RSRC1: variants seen among roughly 807,000 people sequenced by gnomAD.
The protein encoded by RSRC1 is arginine and serine rich coiled-coil 1, also known as serine/Arginine-related protein 53.
A neutral mutation model predicts 49.1 loss-of-function variants in RSRC1; 39 were observed. The observed-to-expected ratio is 0.79, with a 90% CI of 0.61 to 1.04. The LOEUF (loss-of-function observed/expected upper bound fraction) is 1.04, where lower values mean the gene tolerates loss of function less well. Among genes scored for constraint, RSRC1 ranks in the 50% least tolerant of loss-of-function variants. RSRC1 has a pLI of 0.00. For synonymous variants in RSRC1, 143 were observed against 130.8 expected (o/e 1.09, Z -0.63); for missense variants, 388 against 402.4 (o/e 0.96, Z 0.31).
At chr3:158,326,345 A>G (rs145496061) in intron 5 of RSRC1, among the ~76,000 whole-genome samples, 1 of 152,218 alleles carries the variant, frequency 6.6e-6, no homozygotes, top group African/African-American at 2.4e-5. Context: ...TTGCCCATTC[A>G]GTATGATATT....
Position 158,205,303 on chromosome 3 carries a change from T to C in RSRC1, c.494+2058T>C, listed in dbSNP as rs186301834. Among the ~76,000 whole-genome samples the C allele has an allele frequency of 2.5e-3, 383 of 152,236 alleles. 3 individuals carry two copies. Among genetic ancestry groups the C allele is most frequent in the African/African-American group, 8.8e-3 (364 of 41,548 alleles). ...ATTCTTATATTTCCTAAGCCTGATT[T>C]TCAAGCCATTCTGGACTTAGAATCT... On this transcript the variant is annotated intron_variant, in intron 4 of 9. Coordinates refer to ENST00000611884, the MANE Select transcript of RSRC1 (RefSeq NM_001271838.2).
At chr3:158,513,103 T>G in intron 7 of RSRC1, among the ~76,000 whole-genome samples, 1 of 145,482 alleles carries the variant, frequency 6.9e-6, no homozygotes, top group Non-Finnish European at 1.5e-5. Context: ...TGAATACCCT[T>G]TATTTCCTTC....
At chr3:158,328,280 G>A (rs1184269040) in intron 5 of RSRC1, among the ~76,000 whole-genome samples, 5 of 152,168 alleles carry the variant, frequency 3.3e-5, no homozygotes, top group African/African-American at 9.7e-5. Flanking sequence ...TCATTATGAT[G>A]TTAGCTGCTT....
At chr3:158,184,681 T>C (rs957232607) in intron 3 of RSRC1, among the ~76,000 whole-genome samples, 4 of 152,142 alleles carry the variant, frequency 2.6e-5, no homozygotes, top group Admixed American at 1.3e-4. Context: ...TCCATTTAAG[T>C]TATGTTTTAC....
chr3:158,513,924 C>A, intron 7 of RSRC1, among the ~76,000 whole-genome samples: 1 of 152,150 alleles, frequency 6.6e-6, no homozygotes, highest in Non-Finnish European at 1.5e-5. Flanking sequence ...TGGCAGTATT[C>A]TCTGATGGTA....
chr3:158,333,700 A>T (rs1729693193), intron 5 of RSRC1, among the ~76,000 whole-genome samples: 1 of 152,254 alleles, frequency 6.6e-6, no homozygotes, highest in Admixed American at 6.5e-5. Context: ...AACTGCATTC[A>T]AAGATAGAAA....
At chr3:158,142,513 C>G (rs1488194510) in intron 3 of RSRC1, among the ~76,000 whole-genome samples, 1 of 152,082 alleles carries the variant, frequency 6.6e-6, no homozygotes, top group African/African-American at 2.4e-5. Context: ...TTAGTTGGCT[C>G]ACAGTTCTGC....
intron 5 of RSRC1, among the ~76,000 whole-genome samples, chr3:158,325,863 A>G (rs1729100564): frequency 1.3e-5 from 2 of 152,202 alleles, no homozygotes; most frequent in African/African-American, 2.4e-5. Flanking sequence ...ATCCATGAGC[A>G]TGGAATGTTC....
intron 4 of RSRC1, among the ~76,000 whole-genome samples, chr3:158,277,875 C>G (rs747018840): frequency 6.6e-6 from 1 of 152,132 alleles, no homozygotes; most frequent in Admixed American, 6.6e-5. Flanking sequence ...GCCTTTGGAA[C>G]TCTTGGACTG....
chr3:158,409,695 CAA>C (rs991738008), intron 6 of RSRC1, among the ~76,000 whole-genome samples: 12 of 151,024 alleles, frequency 7.9e-5, no homozygotes, highest in African/African-American at 2.4e-4. Context: ...CTATTATCAC[CAA>C]AGAGAGTTTT....
chr3:158,460,702 C>G (rs1737564173), intron 6 of RSRC1, among the ~76,000 whole-genome samples: 1 of 151,662 alleles, frequency 6.6e-6, no homozygotes, highest in Admixed American at 6.6e-5. Flanking sequence ...TTCATTTTCC[C>G]TTTAGTACAG....
chr3:158,351,046 A>G (rs985283633), intron 5 of RSRC1, among the ~76,000 whole-genome samples: 2 of 152,164 alleles, frequency 1.3e-5, no homozygotes, highest in Non-Finnish European at 2.9e-5. Flanking sequence ...AGCAGTCACA[A>G]TGAAGGCAAC....
At chr3:158,412,247 G>A (rs1422447695) in intron 6 of RSRC1, among the ~76,000 whole-genome samples, 4 of 152,064 alleles carry the variant, frequency 2.6e-5, no homozygotes, top group African/African-American at 9.7e-5. Flanking sequence ...AAAACTAGAG[G>A]AAGAAGGATA....
At chr3:158,350,043 T>G (rs1385267307) in intron 5 of RSRC1, among the ~76,000 whole-genome samples, 1 of 151,720 alleles carries the variant, frequency 6.6e-6, no homozygotes, top group Non-Finnish European at 1.5e-5. Flanking sequence ...ACCATTTATG[T>G]TTTAAGGGAG....
Position 158,448,664 on chromosome 3 carries a change from A to G in RSRC1, c.584-12271A>G, listed in dbSNP as rs73877210. ...ATACTGCATACAGCTGAATTAGACC[A>G]GCACATCTGTTGGACATACTTAGTG... On this transcript the variant is annotated intron_variant, in intron 6 of 9. Transcript: ENST00000611884. Among the ~76,000 whole-genome samples the G allele has an allele frequency of 7.6e-3, 1,155 of 152,080 alleles. 16 individuals are homozygous for G. Among genetic ancestry groups the G allele is most frequent in the African/African-American group, 0.027 (1,118 of 41,566 alleles).
chr3:158,275,830 G>A (rs1198415091), intron 4 of RSRC1: 3 of 520,590 alleles, frequency 5.8e-6, no homozygotes, highest in Non-Finnish European at 1.0e-5. Context: ...AGTGGAGCTG[G>A]AGAGTATTGC....
chr3:158,173,168 T>C (rs1224536214), intron 3 of RSRC1, among the ~76,000 whole-genome samples: 1 of 151,932 alleles, frequency 6.6e-6, no homozygotes, highest in Admixed American at 6.6e-5. Context: ...TAACCTTGTT[T>C]ATAATTATAT....
chr3:158,544,150 G>A, intron 9 of RSRC1, 33 bp from the exon 10 acceptor site: 1 of 1,457,394 alleles, frequency 6.9e-7, no homozygotes, highest in Non-Finnish European at 9.6e-7. Context: ...TTGGGAGACA[G>A]TAACATTTTT....
At chr3:158,245,307 C>A (rs1377411513) in intron 4 of RSRC1, among the ~76,000 whole-genome samples, 2 of 151,960 alleles carry the variant, frequency 1.3e-5, no homozygotes, top group Non-Finnish European at 2.9e-5. Context: ...AGCAGGTTGT[C>A]CAGCTTCCAT....
Sources: allele counts gnomAD v4.1 joint callset (sites outside exome capture counted in the v4.1 genomes callset), GRCh38; gene constraint gnomAD v4.1.1; transcripts MANE v1.5; gene names NCBI Gene and HGNC (gene_info 2026-07-23, HGNC 2026-07-21).